Variants in JAK1 observed in about 807,000 individuals in gnomAD.
JAK1 encodes Janus kinase 1.
Under a neutral mutation model 136.6 loss-of-function variants are expected in JAK1, and 16 were observed. The observed-to-expected ratio is 0.12, with a 90% CI of 0.08 to 0.18. The LOEUF is 0.18. JAK1 is among the 10% of genes least tolerant of loss of function. The pLI is 1.00. For synonymous variants in JAK1, 492 were observed against 519.5 expected (o/e 0.95, Z 0.72); for missense variants, 859 against 1,450.1 (o/e 0.59, Z 6.62).
At chr1:64,884,545 C>T (rs1644824387) in intron 2 of JAK1, among the ~76,000 whole-genome samples, 1 of 152,132 alleles carries the variant, frequency 6.6e-6, no homozygotes. Flanking sequence ...CCTTCCTCAC[C>T]TTATCTTCTA....
At chr1:64,874,881 T>C (rs1557654799) in intron 4 of JAK1, among the ~76,000 whole-genome samples, 1 of 152,106 alleles carries the variant, frequency 6.6e-6, no homozygotes, top group Non-Finnish European at 1.5e-5. Flanking sequence ...CTCAGGCATG[T>C]TTCTCGTACT....
intron 2 of JAK1, among the ~76,000 whole-genome samples, chr1:64,977,862 T>G (rs1452100800): frequency 6.6e-6 from 1 of 152,236 alleles, no homozygotes; most frequent in African/African-American, 2.4e-5. Flanking sequence ...TGTGGGATCT[T>G]GAGCAAGATA....
chr1:64,945,480 C>G (rs112106202), intron 1 of JAK1, among the ~76,000 whole-genome samples: 2 of 151,114 alleles, frequency 1.3e-5, no homozygotes, highest in African/African-American at 4.9e-5. Context: ...TCTATTCACA[C>G]GAGAAAATAC....
chr1:64,958,841 T>A (rs1022856801), intron 1 of JAK1, among the ~76,000 whole-genome samples: 1 of 152,256 alleles, frequency 6.6e-6, no homozygotes, highest in African/African-American at 2.4e-5. Flanking sequence ...CTAATACCCT[T>A]AAGTCCTTAA....
At chr1:65,021,689 C>T (rs1199487922) in intron 2 of JAK1, among the ~76,000 whole-genome samples, 2 of 152,166 alleles carry the variant, frequency 1.3e-5, no homozygotes, top group African/African-American at 2.4e-5. Flanking sequence ...CTAATTACTG[C>T]TGTTAAGGAT....
In JAK1 at chr1:64,888,423, G is replaced by A. The variant is rs375873441; in HGVS notation, c.-77-2082C>T. 2.5e-4 allele frequency among the ~76,000 whole-genome samples: 38 copies of A among 152,112 alleles called. 9 individuals carry two copies. Among genetic ancestry groups the A allele is most frequent in the Admixed American group, 3.9e-4 (6 of 15,280 alleles). On this transcript the variant is annotated intron_variant, in intron 1 of 24. Transcript: ENST00000342505. ...TCTCGATCTCTTGACCTCGTGATCC[G>A]CCCGCCTCAGCCTCCCAAAGTGCTG... is the stretch of plus-strand genomic sequence containing the variant.
chr1:64,890,166 T>G (rs551134049), intron 1 of JAK1, among the ~76,000 whole-genome samples: 2 of 152,272 alleles, frequency 1.3e-5, no homozygotes, highest in South Asian at 2.1e-4. Context: ...ATCTTAAGCC[T>G]TAATCAACTA....
intron 2 of JAK1, chr1:64,986,095 G>A: frequency 2.2e-6 from 2 of 918,858 alleles, no homozygotes; most frequent in Middle Eastern, 3.8e-4. Flanking sequence ...GTCCCCCATG[G>A]CCTCAATCTA....
chr1:64,950,332 C>G (rs1330474277), intron 1 of JAK1, among the ~76,000 whole-genome samples: 1 of 151,312 alleles, frequency 6.6e-6, no homozygotes, highest in African/African-American at 2.4e-5. Flanking sequence ...CACTTCAACC[C>G]GGAGGCAGAG....
At chr1:64,918,988 G>A (rs992537841) in intron 1 of JAK1, among the ~76,000 whole-genome samples, 1 of 151,980 alleles carries the variant, frequency 6.6e-6, no homozygotes, top group Non-Finnish European at 1.5e-5. Flanking sequence ...TGTTGAAATA[G>A]GATATTAATT....
chr1:64,901,080 T>G (rs1645098388), intron 1 of JAK1, among the ~76,000 whole-genome samples: 2 of 152,222 alleles, frequency 1.3e-5, no homozygotes, highest in South Asian at 4.1e-4. Context: ...CTTCGCTGTC[T>G]TTGAGCACCC....
chr1:65,022,992 T>C (rs948428716), intron 2 of JAK1: 1 of 152,214 alleles, frequency 6.6e-6, no homozygotes, highest in African/African-American at 2.4e-5. Context: ...TAGAATTTTT[T>C]TTCCTGTCAT....
chr1:64,877,704 A>C (rs1644694940), intron 4 of JAK1, among the ~76,000 whole-genome samples: 1 of 152,226 alleles, frequency 6.6e-6, no homozygotes, highest in Non-Finnish European at 1.5e-5. Flanking sequence ...AGCTGAGTAC[A>C]GAAACCTAGA....
At chr1:64,875,793 C>T (rs569181227) in intron 4 of JAK1, among the ~76,000 whole-genome samples, 2 of 152,246 alleles carry the variant, frequency 1.3e-5, no homozygotes, top group Admixed American at 1.3e-4. Flanking sequence ...CCGCTGGTGA[C>T]AGTGGAAAGC....
chr1:64,856,669 T>C (rs1232848844), intron 10 of JAK1, among the ~76,000 whole-genome samples: 1 of 152,170 alleles, frequency 6.6e-6, no homozygotes, highest in African/African-American at 2.4e-5. Context: ...GCAAGCATTC[T>C]GGGAAGGCAA....
intron 1 of JAK1, among the ~76,000 whole-genome samples, chr1:65,056,205 A>ACCCCTC (rs1168636872): frequency 2.0e-5 from 3 of 152,156 alleles, no homozygotes; most frequent in Non-Finnish European, 2.9e-5. Context: ...AACTGGGGAG[A>ACCCCTC]CCCCTCTCTC....
intron 22 of JAK1, among the ~76,000 whole-genome samples, 185 bp from the exon 23 acceptor site, chr1:64,836,400 G>T (rs1298045997): frequency 1.3e-5 from 2 of 151,950 alleles, no homozygotes; most frequent in Admixed American, 1.3e-4. Context: ...CTATAGTACG[G>T]TATCCTTTAC....
chr1:64,842,255 A>T (rs978610135), intron 17 of JAK1, among the ~76,000 whole-genome samples: 1 of 152,170 alleles, frequency 6.6e-6, no homozygotes, highest in Non-Finnish European at 1.5e-5. Flanking sequence ...GTGGTCAGGG[A>T]TGACAAGAAT....
At chr1:64,868,176 A>G (rs899483685) in intron 6 of JAK1, among the ~76,000 whole-genome samples, 1 of 152,224 alleles carries the variant, frequency 6.6e-6, no homozygotes, top group African/African-American at 2.4e-5. Flanking sequence ...GTGGGCGAGT[A>G]TCTACAACAA....
Sources: allele counts gnomAD v4.1 joint callset (sites outside exome capture counted in the v4.1 genomes callset), GRCh38; gene constraint gnomAD v4.1.1; transcripts MANE v1.5; gene names NCBI Gene and HGNC (gene_info 2026-07-23, HGNC 2026-07-21).